The following CELSR1 variants were observed in gnomAD, a reference collection of about 807,000 sequenced individuals.
The protein encoded by CELSR1 is cadherin EGF LAG seven-pass G-type receptor 1.
Under a neutral mutation model 249.1 loss-of-function variants are expected in CELSR1, and 110 were observed. That is an observed-to-expected ratio of 0.44 (90% CI 0.38 to 0.52). The LOEUF is 0.52. CELSR1 is among the 20% of genes least tolerant of loss of function. The pLI is 0.00. For missense variants in CELSR1, 4,109 were observed against 4,296.4 expected (o/e 0.96, Z 1.22); for synonymous variants, 2,113 against 1,900.0 (o/e 1.11, Z -2.92).
At position 46,473,591 on chromosome 22, in the gene CELSR1, C is replaced by A. The variant is rs1392666361; in HGVS notation, c.3545-9246G>T. Among the ~76,000 whole-genome samples, 1 of 152,196 alleles carries A rather than the reference C, an allele frequency of 6.6e-6. No individual in the cohort carries two copies. Among genetic ancestry groups the A allele is most frequent in the Non-Finnish European group, 1.5e-5 (1 of 68,030 alleles). On this transcript the variant is annotated intron_variant, in intron 1 of 34. Coordinates refer to ENST00000674500, the MANE Select transcript of CELSR1 (RefSeq NM_001378328.1). The surrounding 1 kb of genome is among the most constrained non-coding windows in gnomAD (Gnocchi z 6.6). Reference sequence around the variant, plus strand: ...AACGCCCCTCGAGGCCTGGTTAGGGCAGCCCATGATGCCCTCGGGGTCCAG... The same window carrying A: ...AACGCCCCTCGAGGCCTGGTTAGGGAAGCCCATGATGCCCTCGGGGTCCAG...
At position 46,464,714 on chromosome 22, in the gene CELSR1, C is replaced by T. The variant is rs1290159024; in HGVS notation, c.3545-369G>A. The stretch of plus-strand genomic sequence containing the variant: ...CCCTCACTGCCTGAAACTCCTCACA[C>T]GCTTTGGTTCCAGCCACATGAGGAC... On this transcript the variant is annotated intron_variant, in intron 1 of 34. Coordinates refer to ENST00000674500, the MANE Select transcript of CELSR1 (RefSeq NM_001378328.1). The surrounding 1 kb of genome is among the most constrained non-coding windows in gnomAD (Gnocchi z 8.5). Among the ~76,000 whole-genome samples the T allele has an allele frequency of 1.3e-5, 2 of 152,198 alleles. No individual in the cohort carries two copies. The highest frequency in any genetic ancestry group is 6.5e-5 in the Admixed American group (1 of 15,276).
At position 46,391,574 on chromosome 22, in the gene CELSR1, C is replaced by A. The variant is rs1187838056; in HGVS notation, c.6148+59G>T. On this transcript the variant is annotated intron_variant, in intron 15 of 34. Coordinates refer to ENST00000674500, the MANE Select transcript of CELSR1 (RefSeq NM_001378328.1). The surrounding 1 kb of genome is among the most constrained non-coding windows in gnomAD (Gnocchi z 4.3). ...CAGCGTGCATGCACACACGTGCACGCCAGTGCAGCAGCCTGTCCCCGCGCT... is the reference window on the plus strand; with the variant it reads ...CAGCGTGCATGCACACACGTGCACGACAGTGCAGCAGCCTGTCCCCGCGCT... The A allele has an allele frequency of 7.4e-6, 11 of 1,494,442 alleles. No individual in the cohort carries two copies. Among genetic ancestry groups the A allele is most frequent in the Non-Finnish European group, 9.7e-6 (11 of 1,129,260 alleles). 92.6% of individuals were successfully genotyped at this position (1,494,442 alleles called of 1,614,324 possible).
At chr22:46,513,239 A>G (rs1377463863) in intron 1 of CELSR1, among the ~76,000 whole-genome samples, 1 of 152,198 alleles carries the variant, frequency 6.6e-6, no homozygotes, top group Non-Finnish European at 1.5e-5. Context: ...GCGGTATCCA[A>G]CTACGGCCTT....
rs998221072 is a variant in CELSR1 at position 46,412,496 on chromosome 22, C to T, written c.4612-737G>A. Among the ~76,000 whole-genome samples, 4 of 152,218 alleles carry T rather than the reference C, an allele frequency of 2.6e-5. No individual in the cohort carries two copies. Among genetic ancestry groups the T allele is most frequent in the Non-Finnish European group, 4.4e-5 (3 of 68,040 alleles). On this transcript the variant is annotated intron_variant, in intron 5 of 34. Coordinates refer to ENST00000674500, the MANE Select transcript of CELSR1 (RefSeq NM_001378328.1). The surrounding 1 kb of genome is among the most constrained non-coding windows in gnomAD (Gnocchi z 4.5). The stretch of plus-strand genomic sequence containing the variant: ...GCCTGCAGACGGCCCCACATCTCCC[C>T]TCTAAGGCGTGGAACTCCCTCTCTG...
In CELSR1 at chr22:46,391,629, G is replaced by C; in HGVS notation, c.6148+4C>G. 6.3e-7 allele frequency: 1 copy of C among 1,592,202 alleles called. No homozygotes were observed. Among genetic ancestry groups the C allele is most frequent in the Non-Finnish European group, 8.5e-7 (1 of 1,173,104 alleles). On this transcript the variant is annotated splice_donor_region_variant and intron_variant, in intron 15 of 34. Coordinates refer to ENST00000674500, the MANE Select transcript of CELSR1 (RefSeq NM_001378328.1). This position sits in a 1 kb window ranked among gnomAD's most constrained non-coding sequence, Gnocchi z 4.3. ...CCTGCAGGGTGTCGAGGGGCAACGCGGACCTTCACAGCCGAGCGTGGTGAC... is the reference window on the plus strand; with the variant it reads ...CCTGCAGGGTGTCGAGGGGCAACGCCGACCTTCACAGCCGAGCGTGGTGAC...
chr22:46,424,727 C>T (rs941757742), intron 5 of CELSR1, among the ~76,000 whole-genome samples: 1 of 152,230 alleles, frequency 6.6e-6, no homozygotes, highest in Admixed American at 6.5e-5. Context: ...AATCCCAACA[C>T]TTTGGAAGCA....
At position 46,506,919 on chromosome 22, in the gene CELSR1, G is replaced by A. The variant is rs1481312005; in HGVS notation, c.3544+26708C>T. Among the ~76,000 whole-genome samples, 1 of 152,166 alleles carries A rather than the reference G, an allele frequency of 6.6e-6. No individual in the cohort carries two copies. ...AACACATAAAAACCGATTCCAGGCG[G>A]GGCGTGGTGGCTCACGTTTGTAATC... On this transcript the variant is annotated intron_variant, in intron 1 of 34. Coordinates refer to ENST00000674500, the MANE Select transcript of CELSR1 (RefSeq NM_001378328.1). This position sits in a 1 kb window ranked among gnomAD's most constrained non-coding sequence, Gnocchi z 4.1.
intron 22 of CELSR1, among the ~76,000 whole-genome samples, chr22:46,379,398 T>A (rs187689124): frequency 1.3e-5 from 2 of 152,324 alleles, no homozygotes; most frequent in East Asian, 3.9e-4. Flanking sequence ...TAAAATGGGA[T>A]GTTAGCATTA....
At chr22:46,442,147 TCAAA>T (rs915281923) in intron 2 of CELSR1, among the ~76,000 whole-genome samples, 3 of 152,158 alleles carry the variant, frequency 2.0e-5, no homozygotes, top group Admixed American at 6.5e-5. Flanking sequence ...AAACTCCGTC[TCAAA>T]CAAACAACAA....
intron 24 of CELSR1, among the ~76,000 whole-genome samples, chr22:46,375,470 C>T (rs1431017303): frequency 6.6e-6 from 1 of 152,112 alleles, no homozygotes; most frequent in Non-Finnish European, 1.5e-5. Context: ...GGTCTCCACC[C>T]CACCTCCCAG....
At position 46,403,933 on chromosome 22, in the gene CELSR1, A is replaced by C. The variant is rs111927434; in HGVS notation, c.5227-4031T>G. 1.4e-3 allele frequency among the ~76,000 whole-genome samples: 203 copies of C among 147,136 alleles called. 1 individual carries two copies. The highest frequency in any genetic ancestry group is 4.6e-3 in the African/African-American group (181 of 39,168). ...GGCTGCAGTGAGCTGAGATTGCACC[A>C]CTGCACTCCAGCCTGGTGACAGAGT... On this transcript the variant is annotated intron_variant, in intron 9 of 34. Transcript: ENST00000674500.
rs562883049 is a variant in CELSR1 at position 46,507,797 on chromosome 22, C to T, written c.3544+25830G>A. On this transcript the variant is annotated intron_variant, in intron 1 of 34. Transcript: ENST00000674500. ...CCACTACAGGTGAGCACTGTGAAGCCGGCGAGCCTGCCTCTTTCCCAGAAC... is the reference window on the plus strand; with the variant it reads ...CCACTACAGGTGAGCACTGTGAAGCTGGCGAGCCTGCCTCTTTCCCAGAAC... Among the ~76,000 whole-genome samples the T allele has an allele frequency of 7.9e-5, 12 of 152,280 alleles. No individual in the cohort carries two copies. The South Asian group carries it at 8.3e-4, about 11-fold the overall frequency.
rs1569158809 is a variant in CELSR1 at position 46,433,087 on chromosome 22, C to G, written c.4611+306G>C. Among the ~76,000 whole-genome samples, 1 of 151,970 alleles carries G rather than the reference C, an allele frequency of 6.6e-6. No individual in the cohort carries two copies. The highest frequency in any genetic ancestry group is 2.4e-5 in the African/African-American group (1 of 41,368). On this transcript the variant is annotated intron_variant, in intron 5 of 34. Transcript: ENST00000674500. This position sits in a 1 kb window ranked among gnomAD's most constrained non-coding sequence, Gnocchi z 5.7. ...TGTTACCCAGGCTGGAATACAGTGGCACGATCTCGGCTCACTGTAACTTCT... is the reference window on the plus strand; with the variant it reads ...TGTTACCCAGGCTGGAATACAGTGGGACGATCTCGGCTCACTGTAACTTCT...
At chr22:46,422,034 C>G (rs1388168525) in intron 5 of CELSR1, among the ~76,000 whole-genome samples, 2 of 152,260 alleles carry the variant, frequency 1.3e-5, no homozygotes, top group African/African-American at 4.8e-5. Context: ...CTTTGCAAGG[C>G]TTAATTAACT....
Position 46,535,072 on chromosome 22 carries a change from G to A in CELSR1, c.2099C>T (p.Ala700Val), listed in dbSNP as rs147651051. ...GGTCAGCACGCTGCTCCCCACGGCC[G>A]CATCCTCATTCAGACGAAGCTCGTA... is the stretch of plus-strand genomic sequence containing the variant. ...PTYELRLNEDAAVGSSVLTLQ... is the reference protein window; with the variant it reads ...PTYELRLNEDVAVGSSVLTLQ... The change falls in exon 1 of 35, where the codon GCG (alanine) becomes GTG (valine). Residue 700 changes from alanine to valine, a missense_variant. By Grantham distance (64) the Ala-to-Val change is moderately conservative (BLOSUM62 0). This residue lies in a region of CELSR1 where 886 missense variants were observed against 896.5 expected (regional missense o/e 0.99). Coordinates refer to ENST00000674500, the MANE Select transcript of CELSR1 (RefSeq NM_001378328.1). 29 of 1,612,006 alleles carry A rather than the reference G, an allele frequency of 1.8e-5. No homozygotes were observed. In the African/African-American group the frequency reaches 2.3e-4, roughly 13 times the overall value.
chr22:46,491,476 G>C (rs983956058), intron 1 of CELSR1, among the ~76,000 whole-genome samples: 2 of 151,894 alleles, frequency 1.3e-5, no homozygotes, highest in African/African-American at 2.4e-5. Flanking sequence ...TATTGGCCAG[G>C]CTGGTCTCAT....
Position 46,464,883 on chromosome 22 carries a change from G to A in CELSR1, c.3545-538C>T, listed in dbSNP as rs1284020458. 3.3e-5 allele frequency among the ~76,000 whole-genome samples: 5 copies of A among 152,204 alleles called. No homozygotes were observed. The highest frequency in any genetic ancestry group is 2.1e-4 in the South Asian group (1 of 4,820). The stretch of plus-strand genomic sequence containing the variant: ...AAGCCCGCCCTGGTCCTGCCCAGGC[G>A]ACATCCCCACCGACGTGCTGTGCTG... On this transcript the variant is annotated intron_variant, in intron 1 of 34. Transcript: ENST00000674500. The surrounding 1 kb of genome is among the most constrained non-coding windows in gnomAD (Gnocchi z 8.5).
rs377135122 is a variant in CELSR1, at chr22:46,484,421, G to C, written c.3545-20076C>G. On this transcript the variant is annotated intron_variant, in intron 1 of 34. Transcript: ENST00000674500. The surrounding 1 kb of genome is among the most constrained non-coding windows in gnomAD (Gnocchi z 4.5). ...AACTTGGAGGAGCCACCCCTCCTAG[G>C]CCTGAAATGTGTCCCCACTCAGGGG... 5.1e-3 allele frequency among the ~76,000 whole-genome samples: 778 copies of C among 152,144 alleles called. 3 individuals are homozygous for C. The highest frequency in any genetic ancestry group is 7.4e-3 in the Non-Finnish European group (506 of 67,982).
At chr22:46,384,468 T>C in intron 20 of CELSR1, 75 bp downstream of exon 20, 1 of 1,480,210 alleles carries the variant, frequency 6.8e-7, no homozygotes, top group Non-Finnish European at 9.0e-7. Flanking sequence ...GGTCCTGCGA[T>C]GCCCGCAGCG....
Sources: gnomAD v4.1 joint callset for allele counts (sites outside exome capture counted in the v4.1 genomes callset) on GRCh38, gnomAD v4.1.1 for gene constraint, gnomAD v4.1.1 regional missense constraint, Gnocchi (gnomAD v3.1) non-coding constraint, MANE v1.5 for transcripts, NCBI Gene and HGNC (gene_info 2026-07-23, HGNC 2026-07-21) for gene names.